MATN4: variants seen among roughly 807,000 people sequenced by gnomAD.
MATN4 encodes matrilin-4.
In MATN4, 40 loss-of-function variants were observed where a neutral mutation model predicts 54.6. The ratio of observed to expected loss-of-function variants is 0.73; its 90% CI spans 0.57 to 0.95. The LOEUF (loss-of-function observed/expected upper bound fraction) is 0.95. MATN4 is among the 40% of genes least tolerant of loss of function. MATN4 has a pLI of 0.00. For missense variants in MATN4, 810 were observed against 819.1 expected, an observed-to-expected ratio of 0.99 and a Z score of 0.13; for synonymous variants, 351 against 345.3, an observed-to-expected ratio of 1.02 and a Z score of -0.18.
Position 45,294,004 on chromosome 20 carries a change from T to C in MATN4, c.1591A>G (p.Ser531Gly), listed in dbSNP as rs1985652422. The change falls in exon 9 of 10, where the codon AGC becomes GGC. Residue 531 changes from serine to glycine, a missense_variant. Transcript: ENST00000372756. Reference sequence around the variant, plus strand: ...GGGCTCCGAAGCTCTGTCCCTGCGCTGATGCCCTCCTCTGCAAGCCGGACA... The same window carrying C: ...GGGCTCCGAAGCTCTGTCCCTGCGCCGATGCCCTCCTCTGCAAGCCGGACA... ...RGSICPEEGI[S>G]AGTELRSPCE... The C allele has an allele frequency of 1.9e-6, 3 of 1,601,658 alleles. No homozygotes were observed. Among genetic ancestry groups the C allele is most frequent in the South Asian group, 1.1e-5 (1 of 90,912 alleles).
At chr20:45,303,497 C>G (rs1360885632) in intron 3 of MATN4, 2 of 714,550 alleles carry the variant, frequency 2.8e-6, no homozygotes, top group East Asian at 5.4e-5. Context: ...CCCCCCTCAG[C>G]ACACTGGTCC....
intron 6 of MATN4, among the ~76,000 whole-genome samples, chr20:45,299,216 A>G (rs1986061085): frequency 6.6e-6 from 1 of 152,160 alleles, no homozygotes; most frequent in Admixed American, 6.5e-5. Flanking sequence ...TAGGCCCAAA[A>G]TGTGGTGTGT....
chr20:45,299,334 A>G (rs1252557289), intron 6 of MATN4, among the ~76,000 whole-genome samples: 2 of 152,304 alleles, frequency 1.3e-5, no homozygotes, highest in East Asian at 3.9e-4. Flanking sequence ...GGTCAAGGAA[A>G]GTGCTAGAAG....
chr20:45,305,103 G>C (rs774571161), intron 2 of MATN4, among the ~76,000 whole-genome samples: 21 of 152,150 alleles, frequency 1.4e-4, no homozygotes, highest in Non-Finnish European at 2.2e-4. Context: ...GAACTGGTTG[G>C]GTTAGGACGC....
In MATN4 at chr20:45,304,802, G is replaced by A. The variant is rs752088174; in HGVS notation, c.74-5C>T. 2.8e-5 allele frequency: 43 copies of A among 1,556,512 alleles called. 2 individuals carry two copies. In the Middle Eastern group the frequency reaches 6.8e-4, roughly 25 times the overall value. Reference sequence around the variant, plus strand: ...GCCCAGTGTGACACCTGGGACCTGCGGGGAGATCAGGGAGGACTCTCCTAG... The same window carrying A: ...GCCCAGTGTGACACCTGGGACCTGCAGGGAGATCAGGGAGGACTCTCCTAG... On this transcript the variant is annotated splice_region_variant and splice_polypyrimidine_tract_variant and intron_variant, in intron 2 of 9. Transcript: ENST00000372756.
chr20:45,305,524 T>C lies in MATN4; in HGVS notation c.59A>G (p.Gln20Arg). The stretch of plus-strand genomic sequence containing the variant: ...CCCCAGTTCACCTGTCAACTGGAGC[T>C]GGGTTTCCCAGGGCTGAAGAAGGAG... ...LLLLLQPWETQLQLTGPRCHT... is the reference protein window; with the variant it reads ...LLLLLQPWETRLQLTGPRCHT... The change falls in exon 2 of 10, where the codon CAG becomes CGG. Residue 20 changes from glutamine (Q) to arginine (R), a missense_variant. Gln to Arg is a conservative substitution (Grantham distance 43, BLOSUM62 1). Transcript: ENST00000372756. 2 of 1,555,862 alleles carry C rather than the reference T, an allele frequency of 1.3e-6. No homozygotes were observed. Among genetic ancestry groups the C allele is most frequent in the Non-Finnish European group, 1.7e-6 (2 of 1,149,552 alleles).
chr20:45,306,389 G>C (rs912160676), intron 1 of MATN4, among the ~76,000 whole-genome samples: 8 of 152,204 alleles, frequency 5.3e-5, no homozygotes. Context: ...CTGTGAGCCA[G>C]CCTGGGCGTT....
chr20:45,301,609 G>A (rs1216902933), intron 3 of MATN4, among the ~76,000 whole-genome samples, 166 bp from the exon 4 acceptor site: 1 of 152,226 alleles, frequency 6.6e-6, no homozygotes, highest in Non-Finnish European at 1.5e-5. Flanking sequence ...CTGACTTACA[G>A]AGGACAGGTT....
chr20:45,304,814 G>C lies in MATN4; in HGVS notation c.74-17C>G. 2 of 1,531,466 alleles carry C rather than the reference G, an allele frequency of 1.3e-6. No individual in the cohort carries two copies. The highest frequency in any genetic ancestry group is 8.9e-7 in the Non-Finnish European group (1 of 1,127,030). 94.9% of individuals were successfully genotyped at this position (1,531,466 alleles called of 1,614,324 possible). A position where few individuals can be genotyped will look rare whatever the true frequency, so the allele number is the denominator to read the frequency against. ...ACCTGGGACCTGCGGGGAGATCAGG[G>C]AGGACTCTCCTAGGTCAGCAAAGCC... is the stretch of plus-strand genomic sequence containing the variant. On this transcript the variant is annotated splice_polypyrimidine_tract_variant and intron_variant, in intron 2 of 9. Coordinates refer to ENST00000372756, the MANE Select transcript of MATN4 (RefSeq NM_001393530.1).
At chr20:45,303,258 G>A (rs1235048851) in intron 3 of MATN4, 1 of 595,494 alleles carries the variant, frequency 1.7e-6, no homozygotes, top group Non-Finnish European at 3.1e-6. Context: ...TTCTTTCTTA[G>A]GCCTGTAAAG....
chr20:45,304,956 A>C lies in MATN4; in HGVS notation c.74-159T>G, dbSNP rs112223472. ...TGCACTCGCCCGGCATGTGCCTAGC[A>C]CCTGGGCTAGGAGATTTCACAAATT... On this transcript the variant is annotated intron_variant, in intron 2 of 9. Coordinates refer to ENST00000372756, the MANE Select transcript of MATN4 (RefSeq NM_001393530.1). Among the ~76,000 whole-genome samples the C allele has an allele frequency of 1.8e-3, 268 of 152,318 alleles. 1 individual carries two copies. The highest frequency in any genetic ancestry group is 6.1e-3 in the African/African-American group (253 of 41,574).
intron 6 of MATN4, among the ~76,000 whole-genome samples, chr20:45,299,119 A>G (rs1429601293): frequency 6.6e-6 from 1 of 152,200 alleles, no homozygotes; most frequent in African/African-American, 2.4e-5. Flanking sequence ...GAGCCAAGAC[A>G]TGAAGCCAGG....
Position 45,304,526 on chromosome 20 carries a change from C to T in MATN4, c.345G>A (p.Leu115=). Residue 115 remains leucine (L), a synonymous_variant, in exon 3 of 10, where the codon CTG becomes CTA. Transcript: ENST00000372756. ...VPLAQGTMTG[L]AIQYAMNVAF... ...CCACGTTCATGGCGTACTGGATTGC[C>T]AGTCCCGTCATGGTGCCTTGCGCCA... 2 of 1,593,254 alleles carry T rather than the reference C, an allele frequency of 1.3e-6. No homozygotes were observed. The highest frequency in any genetic ancestry group is 1.7e-6 in the Non-Finnish European group (2 of 1,164,006).
intron 1 of MATN4, chr20:45,307,058 C>A: frequency 1.6e-6 from 1 of 631,760 alleles, no homozygotes; most frequent in Middle Eastern, 3.7e-4. Flanking sequence ...AGGAGGCAGC[C>A]CGCCGAACTG....
rs754273049 is a variant in MATN4, at chr20:45,298,364, GC to G, written c.1231del (p.Ala411ArgfsTer13). On this transcript the variant is annotated frameshift_variant, in exon 7 of 10. Transcript: ENST00000372756. LOFTEE classifies it high-confidence loss of function. This position sits in a 1 kb window ranked among gnomAD's most constrained non-coding sequence, Gnocchi z 4.6. ...TTCCATGTACTCCACGGCCAGGACC[GC>G]CTGCTTCACCTCGGCTGCGGTGCCG... ...RYGTAAEVKQAVLAVEYMERG... is the reference protein window; with the variant it reads ...RYGTAAEVKQXVLAVEYMERG... The G allele has an allele frequency of 6.2e-7, 1 of 1,612,402 alleles. No individual in the cohort carries two copies. Among genetic ancestry groups the G allele is most frequent in the East Asian group, 2.2e-5 (1 of 44,850 alleles).
At chr20:45,299,446 T>C (rs757762163) in intron 6 of MATN4, among the ~76,000 whole-genome samples, 2 of 152,310 alleles carry the variant, frequency 1.3e-5, no homozygotes, top group South Asian at 2.1e-4. Context: ...ATCTTTGTTA[T>C]GAACTGAATG....
chr20:45,294,269 C>CGTGTGTGT (rs71181819), intron 8 of MATN4, among the ~76,000 whole-genome samples: 237 of 151,524 alleles, frequency 1.6e-3, no homozygotes, highest in African/African-American at 5.4e-3. Flanking sequence ...CACCTGTGTA[C>CGTGTGTGT]GTGTGTGTGT....
At chr20:45,302,873 A>G (rs901463682) in intron 3 of MATN4, among the ~76,000 whole-genome samples, 13 of 152,218 alleles carry the variant, frequency 8.5e-5, no homozygotes, top group African/African-American at 3.1e-4. Flanking sequence ...ACTTGAGGTC[A>G]GGAGTTCGAG....
chr20:45,308,552 G>A, upstream of MATN4: 1 of 426,154 alleles, frequency 2.3e-6, no homozygotes, highest in Non-Finnish European at 4.4e-6. Flanking sequence ...TTCATTGGAA[G>A]CTTAGAAGGC....
Sources: gnomAD v4.1 joint callset for allele counts (sites outside exome capture counted in the v4.1 genomes callset) on GRCh38, gnomAD v4.1.1 for gene constraint, Gnocchi (gnomAD v3.1) non-coding constraint, MANE v1.5 for transcripts, NCBI Gene and HGNC (gene_info 2026-07-23, HGNC 2026-07-21) for gene names.